Variants in EYS observed in about 807,000 individuals in gnomAD.
EYS encodes EGF-like photoreceptor maintenance factor, also known as protein eyes shut homolog.
EYS carries 250 observed loss-of-function variants against 282.1 expected under a neutral mutation model. The observed-to-expected ratio is 0.89, with a 90% CI of 0.80 to 0.98. EYS has a LOEUF of 0.98. Ranked by LOEUF, EYS falls within the 50% of genes least tolerant of loss-of-function variation. EYS has a pLI of 0.00. For synonymous variants in EYS, 1,355 were observed against 1,282.9 expected (o/e 1.06, Z -1.20); for missense variants, 4,016 against 3,709.0 (o/e 1.08, Z -2.15).
At chr6:64,518,965 G>A (rs1057093890) in intron 26 of EYS, among the ~76,000 whole-genome samples, 1 of 151,802 alleles carries the variant, frequency 6.6e-6, no homozygotes, top group Non-Finnish European at 1.5e-5. Context: ...TTTTAGCAGT[G>A]TGAGAACGGA....
intron 2 of EYS, among the ~76,000 whole-genome samples, chr6:65,602,737 T>C (rs1161913706): frequency 1.3e-5 from 2 of 151,964 alleles, no homozygotes; most frequent in Non-Finnish European, 2.9e-5. Flanking sequence ...GAAGCACAGG[T>C]TGTAAATATC....
At position 63,799,015 on chromosome 6, in the gene EYS, AT is replaced by A. The variant is rs1444699053; in HGVS notation, c.7411+7174del. ...TATATATATATATATATATATATAT[AT>A]ATATAATTTTTTTTTTTGAGACAGT... On this transcript the variant is annotated intron_variant, in intron 37 of 42. Coordinates refer to ENST00000503581, the MANE Select transcript of EYS (RefSeq NM_001142800.2). Among the ~76,000 whole-genome samples, 718 of 135,900 alleles carry A rather than the reference AT, an allele frequency of 5.3e-3. 9 individuals carry two copies. Among genetic ancestry groups the A allele is most frequent in the African/African-American group, 0.019 (671 of 35,498 alleles). 89.2% of individuals were successfully genotyped at this position (135,900 alleles called of 152,430 possible). A position where few individuals can be genotyped will look rare whatever the true frequency, so the allele number is the denominator to read the frequency against.
intron 1 of EYS, among the ~76,000 whole-genome samples, chr6:65,650,079 C>T (rs184973219): frequency 5.3e-5 from 8 of 152,264 alleles, no homozygotes; most frequent in Admixed American, 5.2e-4. Context: ...GTTTACAAAA[C>T]TTTCTGTGAA....
intron 11 of EYS, among the ~76,000 whole-genome samples, chr6:65,306,266 G>A (rs144715063): frequency 0.055 from 8,412 of 152,254 alleles, 269 homozygotes; most frequent in South Asian, 0.092. Flanking sequence ...TGAACTTCAC[G>A]TAGCCTTGTT....
intron 22 of EYS, among the ~76,000 whole-genome samples, chr6:64,756,890 T>A (rs1180159128): frequency 6.6e-6 from 1 of 151,664 alleles, no homozygotes; most frequent in African/African-American, 2.4e-5. Flanking sequence ...CAGTGCTTTT[T>A]TTTTTTTTTT....
At position 65,519,686 on chromosome 6, in the gene EYS, C is replaced by CTATATATATATA. The variant is rs1158150622; in HGVS notation, c.-332-23705_-332-23694dup. Among the ~76,000 whole-genome samples, 199 of 39,700 alleles carry CTATATATATATA rather than the reference C, an allele frequency of 5.0e-3. 5 individuals carry two copies. The highest frequency in any genetic ancestry group is 9.5e-3 in the African/African-American group (81 of 8,488). The allele number at this position is 39,700 out of a possible 152,430, so 26.0% of individuals were successfully genotyped here. A position where few individuals can be genotyped will look rare whatever the true frequency, so the allele number is the denominator to read the frequency against. The stretch of plus-strand genomic sequence containing the variant: ...AGAACACTTGCAAAAACTATAATAA[C>CTATATATATATA]TATATATATATATATATATATATTT... On this transcript the variant is annotated intron_variant, in intron 2 of 42. Coordinates refer to ENST00000503581, the MANE Select transcript of EYS (RefSeq NM_001142800.2).
rs76675134 is a variant in EYS, at chr6:65,123,870, T to G, written c.2024-66143A>C. Among the ~76,000 whole-genome samples the G allele has an allele frequency of 7.3e-3, 1,116 of 152,230 alleles. 16 individuals carry two copies. The highest frequency in any genetic ancestry group is 0.025 in the African/African-American group (1,058 of 41,538). ...TCTGAAATGGTGAAAACAGTCACTT[T>G]ATCAGAAGGATGTTCATAATGTTAA... On this transcript the variant is annotated intron_variant, in intron 12 of 42. Coordinates refer to ENST00000503581, the MANE Select transcript of EYS (RefSeq NM_001142800.2).
At chr6:65,160,501 T>A (rs957531523) in intron 12 of EYS, among the ~76,000 whole-genome samples, 3 of 150,800 alleles carry the variant, frequency 2.0e-5, no homozygotes, top group Non-Finnish European at 4.5e-5. Flanking sequence ...ATTTTCAAAG[T>A]TGGGGGCACT....
chr6:65,513,590 C>G (rs985808400), intron 2 of EYS, among the ~76,000 whole-genome samples: 2 of 152,138 alleles, frequency 1.3e-5, no homozygotes, highest in Admixed American at 6.6e-5. Flanking sequence ...AGCTTATCCA[C>G]CATGATTAAG....
At chr6:64,117,031 G>A (rs1773408272) in intron 31 of EYS, among the ~76,000 whole-genome samples, 1 of 151,866 alleles carries the variant, frequency 6.6e-6, no homozygotes, top group Non-Finnish European at 1.5e-5. Context: ...AATCAATAAG[G>A]AAAAGTCACA....
intron 2 of EYS, among the ~76,000 whole-genome samples, chr6:65,554,054 A>G (rs1314190039): frequency 1.3e-5 from 2 of 152,112 alleles, no homozygotes; most frequent in Non-Finnish European, 1.5e-5. Context: ...CAGAAAATTC[A>G]CTAGTTCTCT....
chr6:64,389,264 A>G (rs1246896860), intron 28 of EYS, among the ~76,000 whole-genome samples: 1 of 152,238 alleles, frequency 6.6e-6, no homozygotes, highest in East Asian at 1.9e-4. Flanking sequence ...GCAGACAGTA[A>G]TTAGTTGTAG....
intron 13 of EYS, among the ~76,000 whole-genome samples, chr6:65,009,278 G>A (rs961119162): frequency 6.6e-6 from 1 of 152,030 alleles, no homozygotes; most frequent in African/African-American, 2.4e-5. Context: ...AAAAGCCCAA[G>A]GCCTAGTAAA....
At chr6:65,648,013 T>TAAAATAAAAAATAA (rs61345539) in intron 1 of EYS, among the ~76,000 whole-genome samples, 13 of 151,040 alleles carry the variant, frequency 8.6e-5, no homozygotes, top group Non-Finnish European at 1.8e-4. Context: ...ATGGCCAAAA[T>TAAAATAAAAAATAA]AAAATAAAAA....
At chr6:65,320,600 C>G (rs966282912) in intron 11 of EYS, among the ~76,000 whole-genome samples, 1 of 152,140 alleles carries the variant, frequency 6.6e-6, no homozygotes, top group South Asian at 2.1e-4. Flanking sequence ...TGAAGTGGAT[C>G]CAAGTGGCAC....
At chr6:64,602,949 G>A (rs763838064) in intron 24 of EYS, among the ~76,000 whole-genome samples, 35 of 152,096 alleles carry the variant, frequency 2.3e-4, no homozygotes, top group Middle Eastern at 3.4e-3. Flanking sequence ...AGTTTTTCTG[G>A]TTGCTTAGCA....
At chr6:64,064,887 A>G (rs769715298) in intron 33 of EYS, among the ~76,000 whole-genome samples, 7 of 152,210 alleles carry the variant, frequency 4.6e-5, no homozygotes, top group African/African-American at 7.2e-5. Context: ...TTTAGTGATC[A>G]ACAGCAAACA....
At chr6:64,612,903 G>T (rs1767156952) in intron 24 of EYS, among the ~76,000 whole-genome samples, 2 of 152,066 alleles carry the variant, frequency 1.3e-5, no homozygotes, top group South Asian at 2.1e-4. Flanking sequence ...TTTTTCTGAA[G>T]ATCTCTGAGA....
At chr6:64,883,855 T>C (rs962368057) in intron 19 of EYS, among the ~76,000 whole-genome samples, 1 of 151,538 alleles carries the variant, frequency 6.6e-6, no homozygotes, top group African/African-American at 2.4e-5. Context: ...TTGGACTCTG[T>C]GATAGTGTTT....
Sources: gnomAD v4.1 joint callset for allele counts (sites outside exome capture counted in the v4.1 genomes callset) on GRCh38, gnomAD v4.1.1 for gene constraint, MANE v1.5 for transcripts, NCBI Gene and HGNC (gene_info 2026-07-23, HGNC 2026-07-21) for gene names.